Variants in ADAMTSL5 observed in about 807,000 individuals in gnomAD.
The protein encoded by ADAMTSL5 is ADAMTS like 5.
ADAMTSL5 carries 53 observed loss-of-function variants against 51.7 expected under a neutral mutation model. The observed-to-expected ratio is 1.03, with a 90% CI of 0.82 to 1.29. The LOEUF (loss-of-function observed/expected upper bound fraction) is 1.29, where lower values mean the gene tolerates loss of function less well. ADAMTSL5 is among the 50% of genes most tolerant of loss of function. The pLI, the probability that ADAMTSL5 is intolerant of heterozygous loss-of-function variation, is 0.00. For missense variants in ADAMTSL5, 770 were observed against 676.2 expected (o/e 1.14, Z -1.54); for synonymous variants, 285 against 278.7 (o/e 1.02, Z -0.23).
In ADAMTSL5 at chr19:1,505,751, G is replaced by A. The variant is rs1242355800; in HGVS notation, c.*264C>T. On this transcript the variant is annotated 3_prime_UTR_variant, in exon 12 of 12. Transcript: ENST00000330475. Reference sequence around the variant, plus strand: ...AAACTTTCTGAGTATAAATAGCTATGAGCTTCCTGGCAGCCAAGGAGAGAG... The same window carrying A: ...AAACTTTCTGAGTATAAATAGCTATAAGCTTCCTGGCAGCCAAGGAGAGAG... 2.3e-6 allele frequency: 1 copy of A among 436,584 alleles called. No individual in the cohort carries two copies. The highest frequency in any genetic ancestry group is 5.1e-5 in the South Asian group (1 of 19,556). The allele number at this position is 436,584 out of a possible 1,614,324, so 27.0% of individuals were successfully genotyped here.
Position 1,510,857 on chromosome 19 carries a change from C to T in ADAMTSL5, c.87G>A (p.Gly29=), listed in dbSNP as rs1385148098. The T allele has an allele frequency of 6.5e-7, 1 of 1,542,746 alleles. No homozygotes were observed. Among genetic ancestry groups the T allele is most frequent in the Admixed American group, 2.1e-5 (1 of 48,514 alleles). ...FLWALLNCGL[G]VSAQGPGEWT... ...TGCCCCCCCTTACCTGAGCACTGAC[C>T]CCCAAACCACAGTTCAGCAGGGCCC... The change falls in exon 2 of 12, where the codon GGG becomes GGA. Residue 29 remains glycine, a synonymous_variant. Transcript: ENST00000330475.
intron 6 of ADAMTSL5, 154 bp downstream of exon 6, chr19:1,508,289 G>C: frequency 8.1e-7 from 1 of 1,238,512 alleles, no homozygotes; most frequent in East Asian, 2.6e-5. Context: ...TGCCTAAGGG[G>C]GGCTGGGGGC....
Position 1,506,065 on chromosome 19 carries a change from G to A in ADAMTSL5, c.1366C>T (p.Pro456Ser). Reference sequence around the variant, plus strand: ...AGGCGTATGCGGCTGTCCTCCGCAGGGCTCCAGGGCCGGGCGTAGCCGGCG... The same window carrying A: ...AGGCGTATGCGGCTGTCCTCCGCAGAGCTCCAGGGCCGGGCGTAGCCGGCG... ...PHAGYARPWS[P>S]AEDSRIRLTA... is the part of the protein sequence containing the mutation. The change falls in exon 12 of 12, where the codon CCT becomes TCT. Residue 456 changes from proline to serine, a missense_variant. Pro to Ser is a moderately conservative substitution (Grantham distance 74). Transcript: ENST00000330475. The surrounding 1 kb of genome is among the most constrained non-coding windows in gnomAD (Gnocchi z 5.6). 1 of 1,594,934 alleles carries A rather than the reference G, an allele frequency of 6.3e-7. No individual in the cohort carries two copies. The highest frequency in any genetic ancestry group is 8.5e-7 in the Non-Finnish European group (1 of 1,175,286).
Position 1,508,126 on chromosome 19 carries a change from A to C in ADAMTSL5, c.490-17T>G. On this transcript the variant is annotated splice_polypyrimidine_tract_variant and intron_variant, in intron 6 of 11. Transcript: ENST00000330475. ...GCCGGCGCTCTAAAGGGTGAAGGAC[A>C]GGCGCGGCGTCACTGACGCTGGGAG... 4 of 1,595,134 alleles carry C rather than the reference A, an allele frequency of 2.5e-6. No homozygotes were observed. The highest frequency in any genetic ancestry group is 3.4e-6 in the Non-Finnish European group (4 of 1,170,106).
chr19:1,508,761 G>T, intron 5 of ADAMTSL5, 191 bp from the exon 6 acceptor site: 1 of 590,924 alleles, frequency 1.7e-6, no homozygotes, highest in South Asian at 3.1e-5. Context: ...GGGACTCGCA[G>T]GCAAGTATCC....
rs777706467 is a variant in ADAMTSL5 at position 1,506,772 on chromosome 19, C to G, written c.1009G>C (p.Val337Leu). 1.4e-5 allele frequency: 21 copies of G among 1,547,998 alleles called. No individual in the cohort carries two copies. In the East Asian group the frequency reaches 3.6e-4, roughly 26 times the overall value. ...AGCGTTGGGGTCTGTGCAGGGGTGA[C>G]AGCAGGGGCTGCGGGGGGCTGAGGC... ...VEPQPPAAPA[V>L]TPAQTPTLAP... The change falls in exon 10 of 12, where the codon GTC becomes CTC. Residue 337 changes from valine (V) to leucine (L), a missense_variant. Coordinates refer to ENST00000330475, the MANE Select transcript of ADAMTSL5 (RefSeq NM_213604.3). This position sits in a 1 kb window ranked among gnomAD's most constrained non-coding sequence, Gnocchi z 5.6.
At position 1,510,413 on chromosome 19, in the gene ADAMTSL5, T is replaced by C. The variant is rs773636437; in HGVS notation, c.207A>G (p.Glu69=). The change falls in exon 4 of 12, where the codon GAA becomes GAG. Residue 69 remains glutamate, a synonymous_variant. Coordinates refer to ENST00000330475, the MANE Select transcript of ADAMTSL5 (RefSeq NM_213604.3). ...ACTCATGGGAGTCTCCCCAGCACGGTTCTTCCCCAGGAAGCCTGAAGGGAG... is the reference window on the plus strand; with the variant it reads ...ACTCATGGGAGTCTCCCCAGCACGGCTCTTCCCCAGGAAGCCTGAAGGGAG... The part of the protein sequence containing the change: ...SRRCLRLPGE[E]PCWGDSHEYR... 6.6e-5 allele frequency: 106 copies of C among 1,611,706 alleles called. 1 individual carries two copies. The highest frequency in any genetic ancestry group is 5.9e-6 in the Non-Finnish European group (7 of 1,179,672).
rs1218000146 is a variant in ADAMTSL5, at chr19:1,506,572, A to G, written c.1114+18T>C. ...AGGTTAGTAGGGGCTAAGTCAGGGT[A>G]GAGGTCGGGGGTCTCACCAAAGTCA... is the stretch of plus-strand genomic sequence containing the variant. On this transcript the variant is annotated intron_variant, in intron 11 of 11. Coordinates refer to ENST00000330475, the MANE Select transcript of ADAMTSL5 (RefSeq NM_213604.3). The surrounding 1 kb of genome is among the most constrained non-coding windows in gnomAD (Gnocchi z 5.6). The G allele has an allele frequency of 4.4e-6, 7 of 1,606,496 alleles. No homozygotes were observed. The East Asian group carries it at 1.3e-4, about 31-fold the overall frequency.
chr19:1,510,299 C>T (rs768863354), intron 4 of ADAMTSL5, 41 bp from the exon 5 acceptor site: 5 of 1,612,842 alleles, frequency 3.1e-6, no homozygotes, highest in Non-Finnish European at 4.2e-6. Context: ...GGGACAACCC[C>T]AAGGGGCAGG....
At position 1,507,619 on chromosome 19, in the gene ADAMTSL5, A is replaced by G; in HGVS notation, c.626T>C (p.Val209Ala). The G allele has an allele frequency of 6.2e-7, 1 of 1,613,528 alleles. No homozygotes were observed. Among genetic ancestry groups the G allele is most frequent in the Non-Finnish European group, 8.5e-7 (1 of 1,180,002 alleles). ...TCTGGCGCCCTCGGGGATCAGGGTC[A>G]CGTTCCAGTACCCAGCGAAGGCACC... ...DAGAFAGYWNVTLIPEGARHI... is the reference protein window; with the variant it reads ...DAGAFAGYWNATLIPEGARHI... The change falls in exon 8 of 12, where the codon GTG becomes GCG. Residue 209 changes from valine (V) to alanine (A), a missense_variant. Coordinates refer to ENST00000330475, the MANE Select transcript of ADAMTSL5 (RefSeq NM_213604.3).
At chr19:1,510,597 G>A in intron 3 of ADAMTSL5, 42 bp downstream of exon 3, 2 of 1,492,656 alleles carry the variant, frequency 1.3e-6, no homozygotes, top group Non-Finnish European at 8.9e-7. Flanking sequence ...GGCTGGGCCG[G>A]CGGGGGAGGA....
chr19:1,506,682 T>A lies in ADAMTSL5; in HGVS notation c.1043-21A>T, dbSNP rs779069516. 1 of 1,590,578 alleles carries A rather than the reference T, an allele frequency of 6.3e-7. No individual in the cohort carries two copies. Among genetic ancestry groups the A allele is most frequent in the Non-Finnish European group, 8.5e-7 (1 of 1,170,002 alleles). On this transcript the variant is annotated intron_variant, in intron 10 of 11. Transcript: ENST00000330475. The surrounding 1 kb of genome is among the most constrained non-coding windows in gnomAD (Gnocchi z 5.6). Reference sequence around the variant, plus strand: ...GGGGTCTGTGGGATGGGCGGTGCTGTGAGGGGCACAGGCCTCAGTCCCCAC... The same window carrying A: ...GGGGTCTGTGGGATGGGCGGTGCTGAGAGGGGCACAGGCCTCAGTCCCCAC...
chr19:1,505,832 T>A lies in ADAMTSL5; in HGVS notation c.*183A>T, dbSNP rs932504373. 1 of 712,708 alleles carries A rather than the reference T, an allele frequency of 1.4e-6. No individual in the cohort carries two copies. The highest frequency in any genetic ancestry group is 2.1e-6 in the Non-Finnish European group (1 of 473,136). The allele number at this position is 712,708 out of a possible 1,614,324, so 44.1% of individuals were successfully genotyped here. On this transcript the variant is annotated 3_prime_UTR_variant, in exon 12 of 12. Coordinates refer to ENST00000330475, the MANE Select transcript of ADAMTSL5 (RefSeq NM_213604.3). ...CTCCTCACCAGTGCCTGCCGGCTTG[T>A]GACAGTGGCTTTGACTGCATGCAGA...
chr19:1,505,951 G>T lies in ADAMTSL5; in HGVS notation c.*64C>A. On this transcript the variant is annotated 3_prime_UTR_variant, in exon 12 of 12. Transcript: ENST00000330475. ...GAAGCCAGGGTGAGAGGGGAAATAC[G>T]TTGACGTTGAGGCTGGTCAGATGTA... The T allele has an allele frequency of 6.9e-7, 1 of 1,442,278 alleles. No homozygotes were observed. The highest frequency in any genetic ancestry group is 9.1e-7 in the Non-Finnish European group (1 of 1,101,144). The allele number at this position is 1,442,278 out of a possible 1,614,324, so 89.3% of individuals were successfully genotyped here. A position where few individuals can be genotyped will look rare whatever the true frequency, so the allele number is the denominator to read the frequency against.
At chr19:1,508,131 C>G (rs770545158) in intron 6 of ADAMTSL5, 22 bp from the exon 7 acceptor site, 2 of 1,591,592 alleles carry the variant, frequency 1.3e-6, no homozygotes, top group East Asian at 4.5e-5. Flanking sequence ...AGGACAGGCG[C>G]GGCGTCACTG....
rs538652145 is a variant in ADAMTSL5, at chr19:1,508,660, G to A, written c.362-90C>T. 20 of 1,422,106 alleles carry A rather than the reference G, an allele frequency of 1.4e-5. No homozygotes were observed. The East Asian group carries it at 3.0e-4, about 21-fold the overall frequency. The allele number at this position is 1,422,106 out of a possible 1,614,324, so 88.1% of individuals were successfully genotyped here. ...CTTCATCAGGCAACCATCACTTTGG[G>A]CAGATGAAGCCCAGAGATTTGGCCA... On this transcript the variant is annotated intron_variant, in intron 5 of 11. Transcript: ENST00000330475.
rs780726212 is a variant in ADAMTSL5 at position 1,507,386 on chromosome 19, C to T, written c.708G>A (p.Gly236=). 6.4e-7 allele frequency: 1 copy of T among 1,572,588 alleles called. No individual in the cohort carries two copies. Among genetic ancestry groups the T allele is most frequent in the Non-Finnish European group, 8.6e-7 (1 of 1,158,528 alleles). The stretch of plus-strand genomic sequence containing the variant: ...CCCAGTGCCCATTAAGCACGTAGCG[C>T]CCATCGCCCCCCATCAGTGCTGCAA... ...RNHLALMGGD[G]RYVLNGHWVV... The change falls in exon 9 of 12, where the codon GGG becomes GGA. Residue 236 remains glycine, a synonymous_variant. Transcript: ENST00000330475.
chr19:1,510,772 C>A (rs368980153), intron 2 of ADAMTSL5, 42 bp from the exon 3 acceptor site: 3 of 1,520,538 alleles, frequency 2.0e-6, no homozygotes, highest in Non-Finnish European at 2.7e-6. Flanking sequence ...TGTAGGGGGA[C>A]GCTGGTGACC....
In ADAMTSL5 at chr19:1,506,012, G is replaced by T. The variant is rs756459584; in HGVS notation, c.*3C>A. 1 of 1,549,352 alleles carries T rather than the reference G, an allele frequency of 6.5e-7. No individual in the cohort carries two copies. Among genetic ancestry groups the T allele is most frequent in the Admixed American group, 1.9e-5 (1 of 52,630 alleles). ...TGTGTGTGGCCGGGGCTCCTGCAGG[G>T]GCTCAGCCAGGACAGCGCCGGGCAG... is the stretch of plus-strand genomic sequence containing the variant. On this transcript the variant is annotated 3_prime_UTR_variant, in exon 12 of 12. Coordinates refer to ENST00000330475, the MANE Select transcript of ADAMTSL5 (RefSeq NM_213604.3). This position sits in a 1 kb window ranked among gnomAD's most constrained non-coding sequence, Gnocchi z 5.6.
Sources: gnomAD v4.1 joint callset for allele counts on GRCh38, gnomAD v4.1.1 for gene constraint, Gnocchi (gnomAD v3.1) non-coding constraint, MANE v1.5 for transcripts, NCBI Gene and HGNC (gene_info 2026-07-23, HGNC 2026-07-21) for gene names.